The following AHCY variants were observed in gnomAD, a reference collection of about 807,000 sequenced individuals.
AHCY encodes the protein S-adenosyl-L-homocysteine hydrolase.
A neutral mutation model predicts 45.4 loss-of-function variants in AHCY; 24 were observed. That is an observed-to-expected ratio of 0.53 (90% CI 0.38 to 0.74). AHCY has a LOEUF of 0.74. AHCY is among the 30% of genes least tolerant of loss of function. AHCY has a pLI of 0.00. For synonymous variants in AHCY, 245 were observed against 235.1 expected, an observed-to-expected ratio of 1.04 and a Z score of -0.39; for missense variants, 449 against 594.1, an observed-to-expected ratio of 0.76 and a Z score of 2.54.
intron 3 of AHCY, chr20:34,293,839 C>T: frequency 1.7e-6 from 1 of 578,792 alleles, no homozygotes; most frequent in Non-Finnish European, 3.1e-6. Flanking sequence ...AGTTCCCAAT[C>T]ATAAGATCTT....
the AHCY span, among the ~76,000 whole-genome samples, chr20:34,266,232 G>C: frequency 6.6e-6 from 1 of 151,164 alleles, no homozygotes; most frequent in Non-Finnish European, 1.5e-5. Flanking sequence ...GGCGCCTGTA[G>C]TCCCAGCTAC....
chr20:34,259,961 A>G, the AHCY span, among the ~76,000 whole-genome samples: 87,788 of 151,592 alleles, frequency 0.58, 28,439 homozygotes, highest in African/African-American at 0.89. Context: ...CTTATTCTGT[A>G]CATCTTAATA....
intron 1 of AHCY, among the ~76,000 whole-genome samples, chr20:34,298,297 C>A (rs915879522): frequency 6.6e-6 from 1 of 151,900 alleles, no homozygotes; most frequent in Non-Finnish European, 1.5e-5. Context: ...ATATGAATAT[C>A]ATTAATCATT....
At chr20:34,302,515 G>A (rs2036811788) in intron 1 of AHCY, 2 of 775,094 alleles carry the variant, frequency 2.6e-6, no homozygotes, top group Admixed American at 6.3e-5. Flanking sequence ...ATCATAAAAT[G>A]AGAACAGTTT....
chr20:34,238,109 C>A, the AHCY span, among the ~76,000 whole-genome samples: 3 of 152,144 alleles, frequency 2.0e-5, no homozygotes, highest in Non-Finnish European at 2.9e-5. Flanking sequence ...TTTGATTATA[C>A]CGTATCTTTG....
At chr20:34,262,475 T>C in the AHCY span, among the ~76,000 whole-genome samples, 7 of 152,314 alleles carry the variant, frequency 4.6e-5, no homozygotes, top group Non-Finnish European at 1.0e-4. Flanking sequence ...ACAATGTTCC[T>C]GTGCCTGCCA....
downstream of AHCY, among the ~76,000 whole-genome samples, chr20:34,279,434 A>AC (rs1050324593): frequency 2.0e-5 from 3 of 151,584 alleles, no homozygotes; most frequent in African/African-American, 7.3e-5. Context: ...AAAAAAAAAA[A>AC]ACAACAACTC....
At chr20:34,303,164 C>A (rs939579072) in intron 1 of AHCY, 79 bp downstream of exon 1, 1 of 1,543,874 alleles carries the variant, frequency 6.5e-7, no homozygotes, top group Non-Finnish European at 8.8e-7. Context: ...AGCCCCGAGT[C>A]GGCCCTGCAG....
chr20:34,232,103 T>A, the AHCY span, among the ~76,000 whole-genome samples: 1 of 152,210 alleles, frequency 6.6e-6, no homozygotes, highest in African/African-American at 2.4e-5. Context: ...GGTCTACACA[T>A]GTGGTAAATG....
At chr20:34,269,860 C>CT in the AHCY span, among the ~76,000 whole-genome samples, 1 of 141,194 alleles carries the variant, frequency 7.1e-6, no homozygotes, top group Non-Finnish European at 1.5e-5. Flanking sequence ...AGGAGAATCG[C>CT]TTGAACCCGG....
At chr20:34,305,391 G>A (rs1320084775), upstream of AHCY, among the ~76,000 whole-genome samples, 1 of 152,040 alleles carries the variant, frequency 6.6e-6, no homozygotes, top group Non-Finnish European at 1.5e-5. Flanking sequence ...GGTCTCACTT[G>A]ATCTGTACAT....
At chr20:34,310,969 T>C (rs1301389192) in intron 1 of AHCY, among the ~76,000 whole-genome samples, 3 of 151,170 alleles carry the variant, frequency 2.0e-5, no homozygotes, top group African/African-American at 7.3e-5. Flanking sequence ...CTACTAAAAA[T>C]ACAAAAATTA....
chr20:34,255,750 C>T, the AHCY span, among the ~76,000 whole-genome samples: 5 of 152,178 alleles, frequency 3.3e-5, no homozygotes, highest in African/African-American at 1.2e-4. Flanking sequence ...CTGTTACGCC[C>T]GGACAGGGCC....
chr20:34,258,810 A>C, the AHCY span, among the ~76,000 whole-genome samples: 1 of 120,784 alleles, frequency 8.3e-6, no homozygotes, highest in African/African-American at 2.9e-5. Context: ...AATATATGAT[A>C]TATATAATAC....
the AHCY span, among the ~76,000 whole-genome samples, chr20:34,257,559 T>G: frequency 6.6e-6 from 1 of 152,186 alleles, no homozygotes; most frequent in African/African-American, 2.4e-5. Flanking sequence ...TAATTTTATG[T>G]AACTAAAATA....
chr20:34,274,826 C>T, the AHCY span, among the ~76,000 whole-genome samples: 23 of 152,142 alleles, frequency 1.5e-4, 1 homozygote, highest in East Asian at 3.9e-3. Context: ...TGGTGGCACG[C>T]GCCTGTAGTC....
At chr20:34,240,239 T>C in the AHCY span, among the ~76,000 whole-genome samples, 4 of 152,196 alleles carry the variant, frequency 2.6e-5, no homozygotes, top group Non-Finnish European at 5.9e-5. Context: ...AAAGTCATGT[T>C]TCAGCAGCTA....
At chr20:34,276,114 TG>T (rs1376014290), downstream of AHCY, among the ~76,000 whole-genome samples, 1 of 152,186 alleles carries the variant, frequency 6.6e-6, no homozygotes, top group African/African-American at 2.4e-5. Context: ...TTAGGATAGC[TG>T]GGTCTCTTTT....
chr20:34,298,608 G>C (rs1015924316), intron 1 of AHCY, among the ~76,000 whole-genome samples: 9 of 122,360 alleles, frequency 7.4e-5, no homozygotes, highest in East Asian at 2.2e-4. Flanking sequence ...GCGGCGGCGG[G>C]AGGGGGGGGG....
Sources: gnomAD v4.1 joint callset for allele counts (sites outside exome capture counted in the v4.1 genomes callset) on GRCh38, gnomAD v4.1.1 for gene constraint, MANE v1.5 for transcripts, NCBI Gene and HGNC (gene_info 2026-07-23, HGNC 2026-07-21) for gene names.